CHST8: variants seen among roughly 807,000 people sequenced by gnomAD.
The protein encoded by CHST8 is carbohydrate sulfotransferase 8, also known as GALNAC-4-ST1.
Under a neutral mutation model 15.0 loss-of-function variants are expected in CHST8, and 10 were observed. The observed-to-expected ratio is 0.67, with a 90% CI of 0.41 to 1.13. The LOEUF is 1.13. Among genes scored for constraint, CHST8 ranks in the 50% most tolerant of loss-of-function variants. The pLI is 0.00. For missense variants in CHST8, 634 were observed against 608.2 expected (o/e 1.04, Z -0.45); for synonymous variants, 259 against 256.6 (o/e 1.01, Z -0.09).
At chr19:33,690,934 G>A (rs544594879) in intron 3 of CHST8, among the ~76,000 whole-genome samples, 1 of 152,246 alleles carries the variant, frequency 6.6e-6, no homozygotes, top group Non-Finnish European at 1.5e-5. Flanking sequence ...TGTGTGCGTG[G>A]TTGGGGGTGC....
Position 33,626,693 on chromosome 19 carries a change from G to T in CHST8, c.-164+4397G>T, listed in dbSNP as rs911041185. Among the ~76,000 whole-genome samples the T allele has an allele frequency of 2.6e-5, 4 of 152,206 alleles. No individual in the cohort carries two copies. In the South Asian group the frequency reaches 8.3e-4, roughly 32 times the overall value. ...CTTCTCCTTCCATTTTAAGTGGAAG[G>T]GCACGAGGCCCTCACCAGATGCAAA... On this transcript the variant is annotated intron_variant, in intron 1 of 4. Transcript: ENST00000650847.
chr19:33,644,158 C>T (rs1227264222), intron 1 of CHST8, among the ~76,000 whole-genome samples: 1 of 152,150 alleles, frequency 6.6e-6, no homozygotes, highest in Non-Finnish European at 1.5e-5. Flanking sequence ...GTCTCGAACT[C>T]CTGACTTCAG....
chr19:33,637,784 G>A (rs1972224360), intron 1 of CHST8, among the ~76,000 whole-genome samples: 1 of 146,506 alleles, frequency 6.8e-6, no homozygotes, highest in African/African-American at 2.5e-5. Flanking sequence ...GATCGCTTGA[G>A]TCCAGAAGTT....
intron 3 of CHST8, among the ~76,000 whole-genome samples, chr19:33,693,519 A>T (rs574871461): frequency 6.6e-6 from 1 of 152,260 alleles, no homozygotes; most frequent in South Asian, 2.1e-4. Context: ...CTCACATGGC[A>T]GTTGGTGGAT....
chr19:33,694,108 A>T (rs1973153282), intron 3 of CHST8, among the ~76,000 whole-genome samples: 1 of 72,464 alleles, frequency 1.4e-5, no homozygotes, highest in African/African-American at 5.0e-5. Context: ...ATATATATAT[A>T]TATATATATA....
intron 1 of CHST8, among the ~76,000 whole-genome samples, chr19:33,632,771 GTA>G (rs1047214869): frequency 2.1e-5 from 3 of 145,502 alleles, no homozygotes; most frequent in Non-Finnish European, 3.0e-5. Flanking sequence ...GTGTGTGTGT[GTA>G]TGTGTGTGTG....
chr19:33,640,849 C>T (rs1015260614), intron 1 of CHST8, among the ~76,000 whole-genome samples: 2 of 152,140 alleles, frequency 1.3e-5, no homozygotes, highest in Non-Finnish European at 2.9e-5. Context: ...GGCCAAGGTG[C>T]TGCTCTGCCC....
At chr19:33,675,184 G>A (rs1487233389) in intron 2 of CHST8, among the ~76,000 whole-genome samples, 4 of 152,122 alleles carry the variant, frequency 2.6e-5, no homozygotes, top group Non-Finnish European at 4.4e-5. Context: ...GTTTCATCCC[G>A]CTGTTTCCAG....
chr19:33,702,207 C>T (rs1246064055), intron 3 of CHST8, among the ~76,000 whole-genome samples: 48 of 152,100 alleles, frequency 3.2e-4, no homozygotes, highest in Admixed American at 3.1e-3. Context: ...CTCCTGACCT[C>T]GGTGATCCAC....
At chr19:33,645,365 T>A (rs936024751) in intron 1 of CHST8, among the ~76,000 whole-genome samples, 1 of 152,156 alleles carries the variant, frequency 6.6e-6, no homozygotes, top group Non-Finnish European at 1.5e-5. Flanking sequence ...GAAATTATAT[T>A]TTAAAACAGG....
chr19:33,662,781 T>C (rs1972603874), intron 1 of CHST8, among the ~76,000 whole-genome samples: 1 of 152,184 alleles, frequency 6.6e-6, no homozygotes, highest in Admixed American at 6.5e-5. Flanking sequence ...ACGCCAACCT[T>C]TGCTGCACTG....
At chr19:33,688,154 C>A (rs926224251) in intron 2 of CHST8, among the ~76,000 whole-genome samples, 1 of 152,154 alleles carries the variant, frequency 6.6e-6, no homozygotes, top group South Asian at 2.1e-4. Flanking sequence ...TGGCTCTCTC[C>A]CCCTGTACTC....
In CHST8 at chr19:33,757,539, A is replaced by G. The variant is rs552906620; in HGVS notation, c.131-13874A>G. Among the ~76,000 whole-genome samples the G allele has an allele frequency of 3.1e-4, 27 of 88,398 alleles. 1 individual carries two copies. The highest frequency in any genetic ancestry group is 3.4e-4 in the Non-Finnish European group (15 of 43,724). 58.0% of individuals were successfully genotyped at this position (88,398 alleles called of 152,430 possible). A position where few individuals can be genotyped will look rare whatever the true frequency, so the allele number is the denominator to read the frequency against. On this transcript the variant is annotated intron_variant, in intron 3 of 4. Transcript: ENST00000650847. Reference sequence around the variant, plus strand: ...GAAAGAAAGAGAAAGAAAGAAAGAAAGAAAGAAAGAAAGAAAGAAAGAAAG... The same window carrying G: ...GAAAGAAAGAGAAAGAAAGAAAGAAGGAAAGAAAGAAAGAAAGAAAGAAAG...
chr19:33,748,422 G>C (rs1443292347), intron 3 of CHST8, among the ~76,000 whole-genome samples: 1 of 152,250 alleles, frequency 6.6e-6, no homozygotes, highest in East Asian at 1.9e-4. Flanking sequence ...CCCGCTCGTT[G>C]GTGCCAGCGC....
At chr19:33,770,202 G>T (rs1974946291) in intron 3 of CHST8, among the ~76,000 whole-genome samples, 1 of 152,224 alleles carries the variant, frequency 6.6e-6, no homozygotes, top group African/African-American at 2.4e-5. Flanking sequence ...TCCTGCCACT[G>T]GACCTCTGCC....
At chr19:33,732,441 C>A (rs1974013012) in intron 3 of CHST8, among the ~76,000 whole-genome samples, 1 of 151,814 alleles carries the variant, frequency 6.6e-6, no homozygotes, top group East Asian at 2.0e-4. Context: ...CCCAGGCCAC[C>A]TGCACCGCTG....
chr19:33,625,811 G>C (rs549986101), intron 1 of CHST8, among the ~76,000 whole-genome samples: 1 of 152,280 alleles, frequency 6.6e-6, no homozygotes, highest in African/African-American at 2.4e-5. Context: ...GCAGTGAGCC[G>C]AGATCATGCC....
intron 3 of CHST8, among the ~76,000 whole-genome samples, chr19:33,727,868 C>A (rs1323105974): frequency 6.6e-6 from 1 of 152,344 alleles, no homozygotes. Context: ...CTCTCTTTTT[C>A]GGCCTCCACT....
intron 1 of CHST8, among the ~76,000 whole-genome samples, chr19:33,633,774 C>CATGT (rs370027149): frequency 7.1e-6 from 1 of 141,080 alleles, no homozygotes; most frequent in Non-Finnish European, 1.5e-5. Context: ...TTTTCTTTTT[C>CATGT]GTGTGTGTGT....
Sources: allele counts gnomAD v4.1 joint callset (sites outside exome capture counted in the v4.1 genomes callset), GRCh38; gene constraint gnomAD v4.1.1; transcripts MANE v1.5; gene names NCBI Gene and HGNC (gene_info 2026-07-23, HGNC 2026-07-21).